Variants in PRKG1 observed in about 807,000 individuals in gnomAD.
PRKG1 encodes the protein protein kinase cGMP-dependent 1.
In PRKG1, 35 loss-of-function variants were observed where a neutral mutation model predicts 88.1. The observed-to-expected ratio is 0.40, with a 90% CI of 0.30 to 0.53. The LOEUF is 0.53. Ranked by LOEUF, PRKG1 falls within the 20% of genes least tolerant of loss-of-function variation. PRKG1 has a pLI of 0.59. For synonymous variants in PRKG1, 303 were observed against 292.5 expected, an observed-to-expected ratio of 1.04 and a Z score of -0.37; for missense variants, 540 against 839.8, an observed-to-expected ratio of 0.64 and a Z score of 4.41.
chr10:51,411,333 T>C (rs4935249), intron 2 of PRKG1, among the ~76,000 whole-genome samples: 112,694 of 152,172 alleles, frequency 0.74, 42,051 homozygotes, highest in Non-Finnish European at 0.77. Flanking sequence ...GATAATTAAA[T>C]TTGACAGGGT....
chr10:51,684,910 ATT>A (rs890877784), intron 3 of PRKG1, among the ~76,000 whole-genome samples: 5 of 152,128 alleles, frequency 3.3e-5, no homozygotes, highest in Non-Finnish European at 7.3e-5. Flanking sequence ...CTTATAAATT[ATT>A]GTTATTCCAT....
chr10:52,103,400 C>T (rs1012434598), intron 7 of PRKG1, among the ~76,000 whole-genome samples: 1 of 152,112 alleles, frequency 6.6e-6, no homozygotes, highest in Non-Finnish European at 1.5e-5. Flanking sequence ...TTATCAGCCC[C>T]TCTCCTTCCT....
intron 1 of PRKG1, among the ~76,000 whole-genome samples, chr10:51,019,492 A>T (rs1279838101): frequency 6.6e-6 from 1 of 152,200 alleles, no homozygotes; most frequent in Non-Finnish European, 1.5e-5. Context: ...TACAAAAATT[A>T]ACTCAAAATG....
intron 2 of PRKG1, among the ~76,000 whole-genome samples, chr10:51,169,309 GA>G (rs1846633476): frequency 6.6e-6 from 1 of 152,070 alleles, no homozygotes; most frequent in Non-Finnish European, 1.5e-5. Context: ...GTGAGCTACC[GA>G]TTGGATGTCT....
At chr10:51,809,700 C>T (rs1839402024) in intron 4 of PRKG1, among the ~76,000 whole-genome samples, 1 of 152,194 alleles carries the variant, frequency 6.6e-6, no homozygotes, top group Non-Finnish European at 1.5e-5. Flanking sequence ...TTAAGCTACA[C>T]AGTAGATCCT....
intron 6 of PRKG1, among the ~76,000 whole-genome samples, chr10:52,060,822 A>G (rs1357730698): frequency 2.6e-5 from 4 of 151,964 alleles, no homozygotes; most frequent in African/African-American, 2.4e-5. Context: ...TTACCCATGG[A>G]CACTAGAACA....
chr10:52,037,158 A>T (rs1159551238), intron 5 of PRKG1, among the ~76,000 whole-genome samples: 1 of 152,208 alleles, frequency 6.6e-6, no homozygotes, highest in East Asian at 1.9e-4. Context: ...CACAGATGGG[A>T]CACGGCTTAG....
At chr10:51,359,419 C>T (rs1441680850) in intron 2 of PRKG1, among the ~76,000 whole-genome samples, 1 of 151,480 alleles carries the variant, frequency 6.6e-6, no homozygotes, top group Non-Finnish European at 1.5e-5. Flanking sequence ...ATGTAGCCAG[C>T]TCAGCTTGGG....
chr10:52,105,953 T>C (rs1339291630), intron 7 of PRKG1, among the ~76,000 whole-genome samples: 1 of 149,324 alleles, frequency 6.7e-6, no homozygotes, highest in Non-Finnish European at 1.5e-5. Flanking sequence ...ATGTGTAGTC[T>C]TTTATCCCCC....
chr10:51,668,013 G>T (rs900244882), intron 3 of PRKG1, among the ~76,000 whole-genome samples: 2 of 151,764 alleles, frequency 1.3e-5, no homozygotes, highest in Non-Finnish European at 2.9e-5. Context: ...TTAAATCACT[G>T]ACATAAAATT....
chr10:51,043,395 A>G (rs1435767329), intron 1 of PRKG1, among the ~76,000 whole-genome samples: 1 of 152,276 alleles, frequency 6.6e-6, no homozygotes, highest in South Asian at 2.1e-4. Flanking sequence ...ATATATGCTT[A>G]TTCTTCAGGT....
chr10:51,194,255 A>C (rs1383708057), intron 2 of PRKG1, among the ~76,000 whole-genome samples: 1 of 147,752 alleles, frequency 6.8e-6, no homozygotes, highest in Non-Finnish European at 1.5e-5. Flanking sequence ...TTTTTCAATT[A>C]TACTTTAAGC....
Position 51,345,369 on chromosome 10 carries a change from T to C in PRKG1, c.479-122354T>C, listed in dbSNP as rs552756324. On this transcript the variant is annotated intron_variant, in intron 2 of 17. Transcript: ENST00000373980. ...TTTTCTAAATAATGACTAATTTTGT[T>C]GTCCATTTTCTATTAACTGTAATAG... 3.9e-5 allele frequency among the ~76,000 whole-genome samples: 6 copies of C among 152,330 alleles called. No homozygotes were observed. The South Asian group carries it at 1.2e-3, about 32-fold the overall frequency.
At chr10:51,668,582 T>C (rs1840479542) in intron 3 of PRKG1, among the ~76,000 whole-genome samples, 1 of 152,130 alleles carries the variant, frequency 6.6e-6, no homozygotes, top group Admixed American at 6.6e-5. Context: ...TATGGTGATG[T>C]GGTGAGGGTT....
chr10:51,141,522 T>C (rs188082724), intron 1 of PRKG1, among the ~76,000 whole-genome samples: 11 of 152,314 alleles, frequency 7.2e-5, no homozygotes, highest in African/African-American at 2.4e-4. Context: ...CGTCAATCAC[T>C]ATTGCCTGCA....
chr10:51,895,325 C>G (rs1208157392), intron 4 of PRKG1, among the ~76,000 whole-genome samples: 1 of 152,174 alleles, frequency 6.6e-6, no homozygotes, highest in Admixed American at 6.6e-5. Flanking sequence ...GGGTGTGTCC[C>G]TTTCCTCAGG....
Position 51,838,840 on chromosome 10 carries a change from G to A in PRKG1, c.698+34150G>A, listed in dbSNP as rs139882551. On this transcript the variant is annotated intron_variant, in intron 4 of 17. Coordinates refer to ENST00000373980, the MANE Select transcript of PRKG1 (RefSeq NM_006258.4). ...ATGGGAAATAAAAACAACCAAGTTC[G>A]TTCTGAGGCAAATAAATTTGTTAAG... Among the ~76,000 whole-genome samples, 67 of 152,222 alleles carry A rather than the reference G, an allele frequency of 4.4e-4. No homozygotes were observed. The East Asian group carries it at 9.7e-3, about 22-fold the overall frequency.
rs561082624 is a variant in PRKG1, at chr10:51,738,731, G to A, written c.593-65854G>A. Among the ~76,000 whole-genome samples, 13 of 152,122 alleles carry A rather than the reference G, an allele frequency of 8.5e-5. No homozygotes were observed. In the East Asian group the frequency reaches 2.5e-3, roughly 29 times the overall value. On this transcript the variant is annotated intron_variant, in intron 3 of 17. Transcript: ENST00000373980. ...TAGCATCTCTGGGACTCCATTTATT[G>A]GACTGAGAAATGAAACAGTTTAGAT...
chr10:51,597,771 GA>G, intron 3 of PRKG1, among the ~76,000 whole-genome samples: 1 of 152,076 alleles, frequency 6.6e-6, no homozygotes, highest in East Asian at 1.9e-4. Context: ...AAACAAAATG[GA>G]AAAAATACGT....
Sources: allele counts gnomAD v4.1 joint callset (sites outside exome capture counted in the v4.1 genomes callset), GRCh38; gene constraint gnomAD v4.1.1; transcripts MANE v1.5; gene names NCBI Gene and HGNC (gene_info 2026-07-23, HGNC 2026-07-21).